The following UHRF2 variants were observed in gnomAD, a reference collection of about 807,000 sequenced individuals.
The protein encoded by UHRF2 is ubiquitin like with PHD and ring finger domains 2.
Under a neutral mutation model 96.8 loss-of-function variants are expected in UHRF2, and 23 were observed. That is an observed-to-expected ratio of 0.24 (90% CI 0.17 to 0.34). The LOEUF is 0.34. Among genes scored for constraint, UHRF2 ranks in the 10% least tolerant of loss-of-function variants. UHRF2 has a pLI of 1.00. For missense variants in UHRF2, 685 were observed against 981.5 expected, an observed-to-expected ratio of 0.70 and a Z score of 4.04; for synonymous variants, 385 against 332.6, an observed-to-expected ratio of 1.16 and a Z score of -1.72.
At chr9:6,496,530 A>G (rs1308361643) in intron 10 of UHRF2, 2 of 152,230 alleles carry the variant, frequency 1.3e-5, no homozygotes, top group South Asian at 2.1e-4. Flanking sequence ...TTCTTTGACC[A>G]TGCATTAATG....
At position 6,481,808 on chromosome 9, in the gene UHRF2, A is replaced by G. The variant is rs200358356; in HGVS notation, c.1284+42A>G. 1.7e-4 allele frequency: 269 copies of G among 1,593,376 alleles called. No homozygotes were observed. In the African/African-American group the frequency reaches 2.7e-3, roughly 16 times the overall value. ...CCTTTTCTTCCTAATAGCAAGTTAT[A>G]ATATATAATGTTTTAATACCAATAG... is the stretch of plus-strand genomic sequence containing the variant. On this transcript the variant is annotated intron_variant, in intron 7 of 15. Transcript: ENST00000276893.
rs148673214 is a variant in UHRF2, at chr9:6,446,295, C to T, written c.644+12122C>T. Among the ~76,000 whole-genome samples the T allele has an allele frequency of 6.9e-3, 1,044 of 152,028 alleles. 16 individuals are homozygous for T. The highest frequency in any genetic ancestry group is 0.023 in the African/African-American group (974 of 41,494). On this transcript the variant is annotated intron_variant, in intron 3 of 15. Transcript: ENST00000276893. ...CCTCCCAGGTAGATGGAATTACAGG[C>T]GTGTGCAACCACACTTGGCTAATTT...
chr9:6,455,236 C>G (rs1384692745), intron 3 of UHRF2, among the ~76,000 whole-genome samples: 1 of 152,064 alleles, frequency 6.6e-6, no homozygotes, highest in Non-Finnish European at 1.5e-5. Flanking sequence ...TGTGCTGCAC[C>G]CATTAACTTG....
In UHRF2 at chr9:6,473,597, C is replaced by G. The variant is rs542049890; in HGVS notation, c.864-1794C>G. ...GATGGAAATAGACCTATGAAATTATCTTACCAAGAAAATGAACCTAAATCT... is the reference window on the plus strand; with the variant it reads ...GATGGAAATAGACCTATGAAATTATGTTACCAAGAAAATGAACCTAAATCT... On this transcript the variant is annotated intron_variant, in intron 4 of 15. Transcript: ENST00000276893. Among the ~76,000 whole-genome samples, 5 of 152,248 alleles carry G rather than the reference C, an allele frequency of 3.3e-5. No individual in the cohort carries two copies. In the South Asian group the frequency reaches 1.0e-3, roughly 32 times the overall value.
intron 2 of UHRF2, among the ~76,000 whole-genome samples, chr9:6,421,709 G>A (rs989176508): frequency 8.5e-5 from 13 of 152,192 alleles, no homozygotes; most frequent in East Asian, 5.8e-4. Flanking sequence ...GAGCCACCTC[G>A]CCCAGCCTTA....
intron 14 of UHRF2, among the ~76,000 whole-genome samples, chr9:6,503,929 T>A: frequency 6.6e-6 from 1 of 151,734 alleles, no homozygotes; most frequent in Non-Finnish European, 1.5e-5. Flanking sequence ...TTAAAACTAA[T>A]GTGTATGGAA....
At chr9:6,423,985 G>C (rs924532750) in intron 2 of UHRF2, among the ~76,000 whole-genome samples, 62 of 127,296 alleles carry the variant, frequency 4.9e-4, no homozygotes, top group African/African-American at 1.9e-3. Context: ...CTTGATAAGA[G>C]GAATAGACAG....
intron 1 of UHRF2, chr9:6,415,625 C>T (rs939087135): frequency 9.9e-5 from 15 of 152,218 alleles, no homozygotes; most frequent in African/African-American, 3.6e-4. Context: ...TTTACTGCCA[C>T]GTAGTGAAAA....
At chr9:6,448,767 A>ATGTGG (rs1821673270) in intron 3 of UHRF2, among the ~76,000 whole-genome samples, 1 of 152,342 alleles carries the variant, frequency 6.6e-6, no homozygotes, top group East Asian at 1.9e-4. Flanking sequence ...GGAGTTAAGA[A>ATGTGG]TGTGGTAGGT....
At chr9:6,417,929 A>C (rs1475017598) in intron 1 of UHRF2, among the ~76,000 whole-genome samples, 1 of 152,216 alleles carries the variant, frequency 6.6e-6, no homozygotes, top group East Asian at 1.9e-4. Flanking sequence ...CCTCAAACCT[A>C]AGTGGAAAAA....
At chr9:6,457,647 C>T (rs2130837454) in intron 3 of UHRF2, among the ~76,000 whole-genome samples, 2 of 152,256 alleles carry the variant, frequency 1.3e-5, no homozygotes, top group East Asian at 3.9e-4. Flanking sequence ...ATGGGTTTGT[C>T]ATAAATAGCT....
At chr9:6,422,657 T>C (rs1819999189) in intron 2 of UHRF2, 1 of 652,974 alleles carries the variant, frequency 1.5e-6, no homozygotes. Flanking sequence ...TCACCCAGGC[T>C]GTAGTGCAGT....
intron 4 of UHRF2, among the ~76,000 whole-genome samples, chr9:6,461,051 T>G (rs985642660): frequency 2.6e-5 from 4 of 152,240 alleles, no homozygotes; most frequent in African/African-American, 9.6e-5. Context: ...AAATTCTTAC[T>G]TCCTCATAGG....
At chr9:6,460,353 T>C (rs1038501278) in intron 3 of UHRF2, among the ~76,000 whole-genome samples, 2 of 152,140 alleles carry the variant, frequency 1.3e-5, no homozygotes, top group African/African-American at 4.8e-5. Flanking sequence ...CTAGTGGGAA[T>C]GGGGAGACAG....
Position 6,434,037 on chromosome 9 carries a change from T to C in UHRF2, c.508T>C (p.Ser170Pro). ...RGKTPLKNGS[S>P]CKRTNGNIKH... ...CAAAACTCCACTGAAGAATGGCAGT[T>C]CTTGTAAAAGGACTAATGGAAATAT... The change falls in exon 3 of 16, where the codon TCT becomes CCT. Residue 170 changes from serine to proline, a missense_variant. Ser to Pro is a moderately conservative substitution (Grantham distance 74). This residue lies in a region of UHRF2 where 391 missense variants were observed against 437.0 expected (regional missense o/e 0.89). Transcript: ENST00000276893. The C allele has an allele frequency of 6.2e-7, 1 of 1,614,154 alleles. No individual in the cohort carries two copies. The highest frequency in any genetic ancestry group is 8.5e-7 in the Non-Finnish European group (1 of 1,180,022).
chr9:6,504,561 T>A (rs1311344177), intron 14 of UHRF2, 32 bp from the exon 15 acceptor site: 2 of 1,538,572 alleles, frequency 1.3e-6, no homozygotes, highest in East Asian at 4.5e-5. Flanking sequence ...AACTGCTAAC[T>A]TTTCTTTCCT....
chr9:6,501,342 C>G (rs1816280425), intron 14 of UHRF2, among the ~76,000 whole-genome samples: 1 of 152,092 alleles, frequency 6.6e-6, no homozygotes, highest in Non-Finnish European at 1.5e-5. Context: ...TTTAATTTTA[C>G]TTATAAATTT....
intron 4 of UHRF2, among the ~76,000 whole-genome samples, chr9:6,466,056 G>A (rs755704532): frequency 6.6e-6 from 1 of 152,152 alleles, no homozygotes; most frequent in Admixed American, 6.6e-5. Flanking sequence ...ATATTTGTAA[G>A]TAAAGTAGTA....
chr9:6,467,669 T>G (rs901053673), intron 4 of UHRF2, among the ~76,000 whole-genome samples: 2 of 149,342 alleles, frequency 1.3e-5, no homozygotes, highest in African/African-American at 5.0e-5. Flanking sequence ...GCTGTTGGGC[T>G]GACAGAAGTT....
Sources: gnomAD v4.1 joint callset for allele counts (sites outside exome capture counted in the v4.1 genomes callset) on GRCh38, gnomAD v4.1.1 for gene constraint, gnomAD v4.1.1 regional missense constraint, MANE v1.5 for transcripts, NCBI Gene and HGNC (gene_info 2026-07-23, HGNC 2026-07-21) for gene names.